The following KIAA1549L variants were observed in gnomAD, a reference collection of about 807,000 sequenced individuals.
KIAA1549L encodes the protein KIAA1549 like.
In KIAA1549L, 88 loss-of-function variants were observed where a neutral mutation model predicts 160.7. That is an observed-to-expected ratio of 0.55 (90% confidence interval 0.46 to 0.65). The LOEUF (loss-of-function observed/expected upper bound fraction) is 0.65, where lower values mean the gene tolerates loss of function less well. KIAA1549L is among the 30% of genes least tolerant of loss of function. The probability of loss-of-function intolerance (pLI) is 0.00; values close to 1 mark genes in which losing one functional copy is unlikely to be tolerated. For missense variants in KIAA1549L, 2,258 were observed against 2,437.5 expected (o/e 0.93, Z 1.55); for synonymous variants, 950 against 976.7 (o/e 0.97, Z 0.51).
At chr11:33,396,010 G>A (rs997715854) in intron 1 of KIAA1549L, among the ~76,000 whole-genome samples, 1 of 152,012 alleles carries the variant, frequency 6.6e-6, no homozygotes, top group African/African-American at 2.4e-5. Flanking sequence ...TAACTGGAAG[G>A]AATTGGTTGT....
chr11:33,640,691 G>T (rs898406290), intron 16 of KIAA1549L, among the ~76,000 whole-genome samples: 2 of 152,216 alleles, frequency 1.3e-5, no homozygotes, highest in African/African-American at 4.8e-5. Context: ...TATTTCTGGC[G>T]ATCAGATTAG....
intron 16 of KIAA1549L, among the ~76,000 whole-genome samples, chr11:33,632,424 A>G (rs1851322352): frequency 6.6e-6 from 1 of 152,196 alleles, no homozygotes; most frequent in Non-Finnish European, 1.5e-5. Flanking sequence ...GGGAGATTAC[A>G]CTGATTAATT....
At chr11:33,437,194 CTTT>C (rs1851398977) in intron 1 of KIAA1549L, among the ~76,000 whole-genome samples, 1 of 152,074 alleles carries the variant, frequency 6.6e-6, no homozygotes, top group Non-Finnish European at 1.5e-5. Flanking sequence ...TCATTTCAAA[CTTT>C]TTAGAGTACT....
intron 1 of KIAA1549L, among the ~76,000 whole-genome samples, chr11:33,379,538 A>G (rs1300813132): frequency 6.6e-6 from 1 of 152,136 alleles, no homozygotes; most frequent in African/African-American, 2.4e-5. Context: ...GCTCCAGGCA[A>G]AATGGTAGAG....
chr11:33,561,378 G>T (rs931131286), intron 7 of KIAA1549L, among the ~76,000 whole-genome samples: 11 of 152,214 alleles, frequency 7.2e-5, no homozygotes, highest in African/African-American at 2.2e-4. Flanking sequence ...TCTGAACAGT[G>T]AGATAGTTTT....
At chr11:33,645,262 A>G (rs1808856223) in intron 16 of KIAA1549L, among the ~76,000 whole-genome samples, 1 of 152,128 alleles carries the variant, frequency 6.6e-6, no homozygotes. Flanking sequence ...AAGGCTGGAC[A>G]CAGGACCATT....
chr11:33,486,209 G>T (rs1449312510), intron 1 of KIAA1549L, among the ~76,000 whole-genome samples: 1 of 152,132 alleles, frequency 6.6e-6, no homozygotes, highest in Non-Finnish European at 1.5e-5. Flanking sequence ...TATTGGCGAG[G>T]CTGTGGAGAA....
chr11:33,576,660 A>G (rs562040015), intron 10 of KIAA1549L, among the ~76,000 whole-genome samples: 114 of 152,328 alleles, frequency 7.5e-4, no homozygotes, highest in Non-Finnish European at 1.0e-3. Context: ...GGGATATTTC[A>G]GGGCACAGAG....
intron 16 of KIAA1549L, among the ~76,000 whole-genome samples, chr11:33,623,472 T>A (rs923986058): frequency 6.6e-6 from 1 of 152,184 alleles, no homozygotes; most frequent in Admixed American, 6.5e-5. Flanking sequence ...TGGCTTGATA[T>A]GTTATCTCGA....
chr11:33,651,875 C>CG lies in KIAA1549L; in HGVS notation c.5761-4137_5761-4136insG, dbSNP rs1441755861. On this transcript the variant is annotated intron_variant, in intron 17 of 20. Transcript: ENST00000658780. ...CCCATTCCCCTCCCCTCCCCTCCCC[C>CG]CCTTTCTCCTCCCCTCCCCCCCTTC... Among the ~76,000 whole-genome samples, 6 of 90,070 alleles carry CG rather than the reference C, an allele frequency of 6.7e-5. 2 individuals carry two copies. The highest frequency in any genetic ancestry group is 1.4e-4 in the Non-Finnish European group (6 of 43,150). The allele number at this position is 90,070 out of a possible 152,430, so 59.1% of individuals were successfully genotyped here.
intron 16 of KIAA1549L, among the ~76,000 whole-genome samples, chr11:33,641,572 G>GTGTATATA (rs1851580350): frequency 3.1e-5 from 3 of 96,766 alleles, no homozygotes; most frequent in East Asian, 2.6e-4. Flanking sequence ...TAATGGATCT[G>GTGTATATA]TATATATATA....
chr11:33,667,694 A>G (rs957203136), intron 20 of KIAA1549L, among the ~76,000 whole-genome samples, 179 bp from the exon 21 acceptor site: 6 of 151,948 alleles, frequency 3.9e-5, no homozygotes, highest in Non-Finnish European at 8.8e-5. Context: ...GAAATTACCT[A>G]TTTTCTAAAC....
At chr11:33,534,490 G>C (rs756751582) in intron 1 of KIAA1549L, among the ~76,000 whole-genome samples, 3 of 151,938 alleles carry the variant, frequency 2.0e-5, no homozygotes, top group Non-Finnish European at 2.9e-5. Flanking sequence ...GTTTTTTGGG[G>C]GAAAGGAGAG....
At chr11:33,492,958 A>C (rs1177094415) in intron 1 of KIAA1549L, among the ~76,000 whole-genome samples, 1 of 152,116 alleles carries the variant, frequency 6.6e-6, no homozygotes, top group Admixed American at 6.6e-5. Context: ...AGGAAAACAC[A>C]GTGTTTTCCT....
chr11:33,398,809 T>C (rs1242305594), intron 1 of KIAA1549L, among the ~76,000 whole-genome samples: 1 of 152,224 alleles, frequency 6.6e-6, no homozygotes, highest in Non-Finnish European at 1.5e-5. Context: ...TCTCTGAATC[T>C]TAGGATTCAA....
chr11:33,636,755 G>C (rs371536052), intron 16 of KIAA1549L, among the ~76,000 whole-genome samples: 5 of 152,156 alleles, frequency 3.3e-5, no homozygotes, highest in East Asian at 1.9e-4. Context: ...TTATAGGTTT[G>C]TATGAGAAAA....
chr11:33,503,527 G>A (rs1315313371), intron 1 of KIAA1549L, among the ~76,000 whole-genome samples: 1 of 152,194 alleles, frequency 6.6e-6, no homozygotes, highest in East Asian at 1.9e-4. Flanking sequence ...TTGCAAAGAG[G>A]CAAAGTAGTT....
chr11:33,585,513 C>G (rs952004243), intron 11 of KIAA1549L, among the ~76,000 whole-genome samples: 1 of 151,548 alleles, frequency 6.6e-6, no homozygotes, highest in African/African-American at 2.4e-5. Flanking sequence ...AGCAAAACTC[C>G]GTCTCAAAAA....
rs374519060 is a variant in KIAA1549L, at chr11:33,632,224, G to A, written c.5410-13462G>A. On this transcript the variant is annotated intron_variant, in intron 16 of 20. Coordinates refer to ENST00000658780, the MANE Select transcript of KIAA1549L (RefSeq NM_012194.3). ...ATTATACACAGGTCTGTGTTCCCTTGTGTGTTGGCTGTATCCACAGGTGGA... is the reference window on the plus strand; with the variant it reads ...ATTATACACAGGTCTGTGTTCCCTTATGTGTTGGCTGTATCCACAGGTGGA... 5.9e-5 allele frequency among the ~76,000 whole-genome samples: 9 copies of A among 152,326 alleles called. No homozygotes were observed. The East Asian group carries it at 9.6e-4, about 16-fold the overall frequency.
Sources: allele counts gnomAD v4.1 joint callset (sites outside exome capture counted in the v4.1 genomes callset), GRCh38; gene constraint gnomAD v4.1.1; transcripts MANE v1.5; gene names NCBI Gene and HGNC (gene_info 2026-07-23, HGNC 2026-07-21).